PRELID2: variants seen among roughly 807,000 people sequenced by gnomAD.
PRELID2 encodes PRELI domain containing 2.
PRELID2 carries 25 observed loss-of-function variants against 28.4 expected under a neutral mutation model. The observed-to-expected ratio is 0.88, with a 90% CI of 0.64 to 1.23. The LOEUF (loss-of-function observed/expected upper bound fraction) is 1.23. Ranked by LOEUF, PRELID2 falls within the 50% of genes most tolerant of loss-of-function variation. The pLI is 0.00. For synonymous variants in PRELID2, 76 were observed against 71.6 expected (o/e 1.06, Z -0.31); for missense variants, 201 against 214.4 (o/e 0.94, Z 0.39).
At chr5:145,409,163 A>G in the PRELID2 span, among the ~76,000 whole-genome samples, 1 of 152,202 alleles carries the variant, frequency 6.6e-6, no homozygotes, top group African/African-American at 2.4e-5. Flanking sequence ...TCAGACAAAC[A>G]AATGCTGAGA....
chr5:145,574,132 A>G (rs1389694886), intron 1 of PRELID2, among the ~76,000 whole-genome samples: 1 of 152,194 alleles, frequency 6.6e-6, no homozygotes, highest in East Asian at 1.9e-4. Context: ...GGCAGAAAAG[A>G]GAGAAATAGA....
At chr5:145,406,800 G>A in the PRELID2 span, among the ~76,000 whole-genome samples, 8 of 151,192 alleles carry the variant, frequency 5.3e-5, no homozygotes, top group Non-Finnish European at 5.9e-5. Flanking sequence ...CATTCCCACT[G>A]GAGAATCTGA....
chr5:145,330,813 T>C, the PRELID2 span, among the ~76,000 whole-genome samples: 1 of 152,206 alleles, frequency 6.6e-6, no homozygotes, highest in Non-Finnish European at 1.5e-5. Context: ...TGTCTTCTGC[T>C]AGCTTTTGAA....
At chr5:145,330,263 G>T in the PRELID2 span, among the ~76,000 whole-genome samples, 3 of 152,090 alleles carry the variant, frequency 2.0e-5, no homozygotes, top group Non-Finnish European at 2.9e-5. Context: ...GCCAGGTTTT[G>T]GTATCAGGAT....
chr5:145,268,590 G>T, the PRELID2 span, among the ~76,000 whole-genome samples: 1 of 152,084 alleles, frequency 6.6e-6, no homozygotes, highest in Non-Finnish European at 1.5e-5. Flanking sequence ...TGTGGAGGAG[G>T]GGGATGAATG....
At position 145,785,278 on chromosome 5, in the gene PRELID2, G is replaced by C. The variant is rs1581198303; in HGVS notation, c.474+11164C>G. Among the ~76,000 whole-genome samples the C allele has an allele frequency of 3.3e-5, 5 of 152,172 alleles. No individual in the cohort carries two copies. In the South Asian group the frequency reaches 1.0e-3, roughly 32 times the overall value. On this transcript the variant is annotated intron_variant, in intron 5 of 6. Coordinates refer to ENST00000683046, the MANE Select transcript of PRELID2 (RefSeq NM_205846.3). Reference sequence around the variant, plus strand: ...TGGGAAGTGAGAAAGCCTAATCAAGGGCCAAGAAGCTTTTCTCTAAAGCTT... The same window carrying C: ...TGGGAAGTGAGAAAGCCTAATCAAGCGCCAAGAAGCTTTTCTCTAAAGCTT...
At chr5:145,721,306 A>C (rs1385192594) in intron 1 of PRELID2, among the ~76,000 whole-genome samples, 6 of 152,154 alleles carry the variant, frequency 3.9e-5, no homozygotes, top group Non-Finnish European at 8.8e-5. Context: ...AAAGCGTTTC[A>C]AGGATCCCCT....
chr5:145,780,597 T>G (rs1436289317), intron 5 of PRELID2, among the ~76,000 whole-genome samples: 1 of 152,194 alleles, frequency 6.6e-6, no homozygotes, highest in Non-Finnish European at 1.5e-5. Context: ...TAAAACATTG[T>G]TAAATAAGTT....
chr5:145,516,310 A>C (rs978261431), intron 1 of PRELID2, among the ~76,000 whole-genome samples: 1 of 152,234 alleles, frequency 6.6e-6, no homozygotes. Flanking sequence ...ATACAAAATC[A>C]ATGTGCAAAA....
At chr5:145,766,254 G>T (rs889446956) in intron 5 of PRELID2, among the ~76,000 whole-genome samples, 33 of 152,000 alleles carry the variant, frequency 2.2e-4, no homozygotes, top group African/African-American at 7.7e-4. Flanking sequence ...AATGATAAGG[G>T]GAACTTAAAA....
the PRELID2 span, among the ~76,000 whole-genome samples, chr5:145,322,106 G>A: frequency 6.6e-6 from 1 of 152,152 alleles, no homozygotes; most frequent in Non-Finnish European, 1.5e-5. Flanking sequence ...CTTGGCTCCT[G>A]TCTGTGAATT....
the PRELID2 span, among the ~76,000 whole-genome samples, chr5:145,330,052 T>C: frequency 6.6e-6 from 1 of 152,202 alleles, no homozygotes; most frequent in Non-Finnish European, 1.5e-5. Flanking sequence ...TGTCATTGGT[T>C]CTGTTTACAT....
rs1018204134 is a variant in PRELID2 at position 145,760,685 on chromosome 5, A to G, written c.*11-160T>C. On this transcript the variant is annotated intron_variant, in intron 6 of 6. Transcript: ENST00000683046. ...ATTTCTCCCTCCTAATGATCTTCGA[A>G]CAAGGCAAGCACCTCATTTTATTAA... Among the ~76,000 whole-genome samples the G allele has an allele frequency of 1.7e-4, 26 of 152,310 alleles. No individual in the cohort carries two copies. The East Asian group carries it at 4.8e-3, about 28-fold the overall frequency.
chr5:145,565,653 A>C (rs1187443065), intron 1 of PRELID2, among the ~76,000 whole-genome samples: 2 of 152,226 alleles, frequency 1.3e-5, no homozygotes, highest in Non-Finnish European at 2.9e-5. Flanking sequence ...TTTTAAGCAA[A>C]AATAGAAATT....
chr5:145,299,644 CGTGTGT>C, the PRELID2 span, among the ~76,000 whole-genome samples: 391 of 109,402 alleles, frequency 3.6e-3, 5 homozygotes, highest in Admixed American at 7.9e-3. Flanking sequence ...TATGTGTGTG[CGTGTGT>C]GTGTGTGTGT....
At chr5:145,743,701 C>T (rs548352613) in intron 1 of PRELID2, among the ~76,000 whole-genome samples, 4 of 152,310 alleles carry the variant, frequency 2.6e-5, no homozygotes, top group East Asian at 3.9e-4. Context: ...GAAGATCCCA[C>T]TGGCGAAACC....
chr5:145,357,610 A>G, the PRELID2 span, among the ~76,000 whole-genome samples: 1 of 152,118 alleles, frequency 6.6e-6, no homozygotes, highest in Non-Finnish European at 1.5e-5. Flanking sequence ...TTGGTTCTTT[A>G]TTAAAACAGC....
rs139646467 is a variant in PRELID2, at chr5:145,699,770, T to C, written n.70+65161A>G. Among the ~76,000 whole-genome samples the C allele has an allele frequency of 5.4e-3, 818 of 152,268 alleles. 5 individuals carry two copies. The highest frequency in any genetic ancestry group is 8.4e-3 in the Non-Finnish European group (572 of 67,982). On this transcript the variant is annotated intron_variant and non_coding_transcript_variant, in intron 1 of 2. Transcript: ENST00000510259. ...CAGCTCTCCAGCAACCCACTTACCC[T>C]ACCCTTAATAGCACAGCTGCCGCAC...
At chr5:145,636,341 G>T (rs7706120) in intron 1 of PRELID2, among the ~76,000 whole-genome samples, 1 of 151,980 alleles carries the variant, frequency 6.6e-6, no homozygotes, top group African/African-American at 2.4e-5. Context: ...TATCCATCTC[G>T]GTCTGTATAA....
Sources: allele counts gnomAD v4.1 joint callset (sites outside exome capture counted in the v4.1 genomes callset), GRCh38; gene constraint gnomAD v4.1.1; transcripts MANE v1.5; gene names NCBI Gene and HGNC (gene_info 2026-07-23, HGNC 2026-07-21).